Variants in KLHDC1 observed in about 807,000 individuals in gnomAD.
The protein encoded by KLHDC1 is kelch domain containing 1.
Under a neutral mutation model 68.3 loss-of-function variants are expected in KLHDC1, and 53 were observed. The ratio of observed to expected loss-of-function variants is 0.78; its 90% CI spans 0.62 to 0.98. KLHDC1 has a LOEUF of 0.98. Among genes scored for constraint, KLHDC1 ranks in the 50% least tolerant of loss-of-function variants. The probability of loss-of-function intolerance (pLI) is 0.00; values close to 1 mark genes in which losing one functional copy is unlikely to be tolerated. For missense variants in KLHDC1, 470 were observed against 492.3 expected (o/e 0.95, Z 0.43); for synonymous variants, 148 against 159.0 (o/e 0.93, Z 0.52).
At chr14:49,746,164 A>G (rs1469015756) in intron 12 of KLHDC1, among the ~76,000 whole-genome samples, 2 of 152,224 alleles carry the variant, frequency 1.3e-5, no homozygotes, top group African/African-American at 4.8e-5. Flanking sequence ...GGAGAAAGGC[A>G]GCAGTCTGAA....
At chr14:49,693,586 C>G (rs989253299) in intron 1 of KLHDC1, among the ~76,000 whole-genome samples, 4 of 152,016 alleles carry the variant, frequency 2.6e-5, no homozygotes, top group African/African-American at 7.2e-5. Flanking sequence ...AAGGCAGTTA[C>G]AGCGCGATTA....
intron 2 of KLHDC1, 68 bp downstream of exon 2, chr14:49,709,297 G>T: frequency 2.9e-6 from 2 of 689,490 alleles, no homozygotes; most frequent in East Asian, 2.9e-5. Context: ...TAGACTCTAG[G>T]GAATTTGAGA....
intron 4 of KLHDC1, 88 bp downstream of exon 4, chr14:49,710,469 GT>G (rs1022132301): frequency 2.2e-5 from 15 of 682,938 alleles, no homozygotes; most frequent in Non-Finnish European, 3.7e-5. Flanking sequence ...AAAGGTATGA[GT>G]TTTTTTCAGG....
At chr14:49,750,724 A>G (rs1054754185) in intron 12 of KLHDC1, among the ~76,000 whole-genome samples, 2 of 152,180 alleles carry the variant, frequency 1.3e-5, no homozygotes, top group Non-Finnish European at 2.9e-5. Context: ...TGTGGTTTTA[A>G]AGTACAAAAT....
chr14:49,737,538 G>T (rs1888956964), intron 10 of KLHDC1, among the ~76,000 whole-genome samples: 2 of 152,052 alleles, frequency 1.3e-5, no homozygotes, highest in Admixed American at 1.3e-4. Flanking sequence ...AATTGTTTTA[G>T]GTATCTGTTG....
chr14:49,734,495 T>A (rs968522252), intron 9 of KLHDC1, 94 bp from the exon 10 acceptor site: 1 of 649,346 alleles, frequency 1.5e-6, no homozygotes, highest in African/African-American at 1.9e-5. Flanking sequence ...TCAGAAAAGA[T>A]AGTCATTTAA....
chr14:49,693,324 G>T (rs1318536054), intron 1 of KLHDC1, 34 bp downstream of exon 1: 2 of 1,389,358 alleles, frequency 1.4e-6, no homozygotes, highest in South Asian at 3.0e-5. Flanking sequence ...GTAGACTCGC[G>T]CCGGGAGACC....
At chr14:49,713,819 TATATATATATATATATATATA>T (rs1888280324) in intron 4 of KLHDC1, among the ~76,000 whole-genome samples, 15 of 2,808 alleles carry the variant, frequency 5.3e-3, no homozygotes, top group South Asian at 0.01. Context: ...TATATATATA[TATATATATATATATATATATA>T]TATATATATA....
chr14:49,747,182 C>A (rs369868160), intron 12 of KLHDC1, among the ~76,000 whole-genome samples: 1 of 152,098 alleles, frequency 6.6e-6, no homozygotes, highest in Non-Finnish European at 1.5e-5. Flanking sequence ...CTCCTGACCT[C>A]GTGATTCACC....
chr14:49,726,385 T>C (rs577412526), intron 6 of KLHDC1, among the ~76,000 whole-genome samples: 1 of 152,188 alleles, frequency 6.6e-6, no homozygotes, highest in Admixed American at 6.5e-5. Flanking sequence ...CTGGGCAACA[T>C]AGTGAAACCC....
intron 1 of KLHDC1, among the ~76,000 whole-genome samples, chr14:49,698,597 C>A (rs1475217912): frequency 6.6e-6 from 1 of 151,716 alleles, no homozygotes; most frequent in Non-Finnish European, 1.5e-5. Context: ...CTCACTGCAA[C>A]CTCTGCCTCC....
chr14:49,719,507 C>T (rs547795843), intron 4 of KLHDC1, among the ~76,000 whole-genome samples: 2 of 151,898 alleles, frequency 1.3e-5, no homozygotes, highest in Non-Finnish European at 2.9e-5. Flanking sequence ...GAGCTCACCA[C>T]AACCTCTTCC....
intron 12 of KLHDC1, among the ~76,000 whole-genome samples, chr14:49,746,972 C>T (rs1476383629): frequency 2.8e-5 from 4 of 143,454 alleles, no homozygotes; most frequent in Admixed American, 2.1e-4. Context: ...TTTTTTGAGA[C>T]GGAGTCTCAT....
intron 3 of KLHDC1, 76 bp from the exon 4 acceptor site, chr14:49,710,187 C>G (rs2139738621): frequency 5.1e-6 from 4 of 784,658 alleles, no homozygotes; most frequent in Non-Finnish European, 8.7e-6. Flanking sequence ...AGTATTAATT[C>G]TTGGATCACA....
intron 4 of KLHDC1, among the ~76,000 whole-genome samples, chr14:49,713,320 A>T (rs910206228): frequency 2.0e-5 from 3 of 152,300 alleles, no homozygotes; most frequent in Admixed American, 1.3e-4. Flanking sequence ...GTTAGCAAGC[A>T]CCGATGATTG....
chr14:49,749,414 TC>T (rs796675657), intron 12 of KLHDC1, among the ~76,000 whole-genome samples: 4 of 152,190 alleles, frequency 2.6e-5, no homozygotes, highest in African/African-American at 9.6e-5. Flanking sequence ...AAACCTGTAA[TC>T]CCAGCACTTT....
chr14:49,718,027 C>A (rs1428009865), intron 4 of KLHDC1, among the ~76,000 whole-genome samples: 1 of 151,986 alleles, frequency 6.6e-6, no homozygotes, highest in Non-Finnish European at 1.5e-5. Context: ...GCTGGGACTA[C>A]AGGCACGTGC....
At chr14:49,724,968 C>T (rs1888629384) in intron 5 of KLHDC1, among the ~76,000 whole-genome samples, 1 of 151,446 alleles carries the variant, frequency 6.6e-6, no homozygotes, top group Non-Finnish European at 1.5e-5. Context: ...ATGGCGAGAC[C>T]CTGTTTCAAT....
At position 49,709,146 on chromosome 14, in the gene KLHDC1, T is replaced by G. The variant is rs543276803; in HGVS notation, c.97-13T>G. Reference sequence around the variant, plus strand: ...AACTGATAAACATAATTTTATGTATTCTGTATTTTTAGTCTATTGAAGACA... The same window carrying G: ...AACTGATAAACATAATTTTATGTATGCTGTATTTTTAGTCTATTGAAGACA... On this transcript the variant is annotated splice_polypyrimidine_tract_variant and intron_variant, in intron 1 of 12. Transcript: ENST00000359332. 3 of 1,078,462 alleles carry G rather than the reference T, an allele frequency of 2.8e-6. No homozygotes were observed. The highest frequency in any genetic ancestry group is 3.2e-5 in the African/African-American group (2 of 62,628). 66.8% of individuals were successfully genotyped at this position (1,078,462 alleles called of 1,614,324 possible). A position where few individuals can be genotyped will look rare whatever the true frequency, so the allele number is the denominator to read the frequency against.
Sources: allele counts gnomAD v4.1 joint callset (sites outside exome capture counted in the v4.1 genomes callset), GRCh38; gene constraint gnomAD v4.1.1; transcripts MANE v1.5; gene names NCBI Gene and HGNC (gene_info 2026-07-23, HGNC 2026-07-21).